The following FRYL variants were observed in gnomAD, a reference collection of about 807,000 sequenced individuals.
FRYL encodes FRY like transcription coactivator.
FRYL carries 150 observed loss-of-function variants against 351.2 expected under a neutral mutation model. That is an observed-to-expected ratio of 0.43 (90% CI 0.37 to 0.49). FRYL has a LOEUF of 0.49. Among genes scored for constraint, FRYL ranks in the 20% least tolerant of loss-of-function variants. The pLI, the probability that FRYL is intolerant of heterozygous loss-of-function variation, is 0.00. For missense variants in FRYL, 3,036 were observed against 3,619.3 expected, an observed-to-expected ratio of 0.84 and a Z score of 4.13; for synonymous variants, 1,153 against 1,257.1, an observed-to-expected ratio of 0.92 and a Z score of 1.75.
intron 20 of FRYL, among the ~76,000 whole-genome samples, chr4:48,582,045 G>A (rs1578214635): frequency 6.6e-6 from 1 of 152,072 alleles, no homozygotes; most frequent in South Asian, 2.1e-4. Context: ...TCAATGGCTC[G>A]GGTCTAAAAT....
intron 55 of FRYL, among the ~76,000 whole-genome samples, chr4:48,519,612 C>T (rs1724451578): frequency 6.6e-6 from 1 of 151,946 alleles, no homozygotes; most frequent in African/African-American, 2.4e-5. Flanking sequence ...AGGTGATTCT[C>T]CTGCCTCAGC....
chr4:48,603,889 C>T lies in FRYL; in HGVS notation c.835-501G>A, dbSNP rs1256922553. On this transcript the variant is annotated intron_variant, in intron 11 of 63. Coordinates refer to ENST00000358350, the MANE Select transcript of FRYL (RefSeq NM_015030.2). ...GCTGGGGCCTGCTGCCCAAGAAGCT[C>T]TTCCCACAGACACAGGAAGTCTTAC... 2.0e-5 allele frequency among the ~76,000 whole-genome samples: 3 copies of T among 152,192 alleles called. No individual in the cohort carries two copies. The East Asian group carries it at 5.8e-4, about 29-fold the overall frequency.
At chr4:48,779,684 C>G (rs1317363754) in intron 1 of FRYL, among the ~76,000 whole-genome samples, 1 of 151,936 alleles carries the variant, frequency 6.6e-6, no homozygotes, top group Non-Finnish European at 1.5e-5. Flanking sequence ...GGCGAGGCGG[C>G]GCGCGACCAG....
intron 40 of FRYL, among the ~76,000 whole-genome samples, 198 bp downstream of exon 40, chr4:48,548,492 T>C (rs181976006): frequency 8.3e-4 from 126 of 152,204 alleles, no homozygotes; most frequent in Non-Finnish European, 1.4e-3. Flanking sequence ...ATGGGGGTAA[T>C]AGACATGTTT....
At chr4:48,649,567 T>C (rs887255886) in intron 3 of FRYL, among the ~76,000 whole-genome samples, 6 of 152,206 alleles carry the variant, frequency 3.9e-5, no homozygotes, top group African/African-American at 7.2e-5. Flanking sequence ...CTTTGTCTTA[T>C]CAATTTTAGG....
In FRYL at chr4:48,656,400, A is replaced by G. The variant is rs555230094; in HGVS notation, c.-80-21910T>C. On this transcript the variant is annotated intron_variant, in intron 3 of 63. Coordinates refer to ENST00000358350, the MANE Select transcript of FRYL (RefSeq NM_015030.2). ...TAAATATATAATATATAATTAATAT[A>G]TAATTATATATAATGTATATATAAT... 2.6e-3 allele frequency among the ~76,000 whole-genome samples: 343 copies of G among 133,666 alleles called. 2 individuals are homozygous for G. The highest frequency in any genetic ancestry group is 9.0e-3 in the African/African-American group (330 of 36,808). 87.7% of individuals were successfully genotyped at this position (133,666 alleles called of 152,430 possible). A position where few individuals can be genotyped will look rare whatever the true frequency, so the allele number is the denominator to read the frequency against.
rs191663612 is a variant in FRYL at position 48,497,921 on chromosome 4, C to T, written c.*1501G>A. The stretch of plus-strand genomic sequence containing the variant: ...TACATTTCTGGCAGGGTCCACACCC[C>T]CCAAGAAAAGGTAAAGCTAAGCATT... On this transcript the variant is annotated 3_prime_UTR_variant, in exon 64 of 64. Coordinates refer to ENST00000358350, the MANE Select transcript of FRYL (RefSeq NM_015030.2). 1.2e-4 allele frequency: 19 copies of T among 152,502 alleles called. No individual in the cohort carries two copies. Among genetic ancestry groups the T allele is most frequent in the Admixed American group, 3.3e-4 (5 of 15,274 alleles). The allele number at this position is 152,502 out of a possible 1,614,324, so 9.4% of individuals were successfully genotyped here.
intron 1 of FRYL, among the ~76,000 whole-genome samples, chr4:48,765,087 C>T: frequency 6.6e-6 from 1 of 152,290 alleles, no homozygotes; most frequent in Non-Finnish European, 1.5e-5. Flanking sequence ...TAGTGATCCC[C>T]CCACCTCGGC....
intron 62 of FRYL, 32 bp from the exon 63 acceptor site, chr4:48,500,252 G>A (rs772060329): frequency 6.3e-5 from 87 of 1,386,098 alleles, no homozygotes; most frequent in South Asian, 5.7e-5. Flanking sequence ...GGATCTATTC[G>A]TATGTTTGGT....
intron 53 of FRYL, among the ~76,000 whole-genome samples, chr4:48,527,116 T>G (rs1436130911): frequency 6.6e-6 from 1 of 152,138 alleles, no homozygotes; most frequent in Non-Finnish European, 1.5e-5. Flanking sequence ...TAGTGGTAAG[T>G]GCAACTCTCT....
chr4:48,732,051 T>G (rs1417260051), intron 1 of FRYL, among the ~76,000 whole-genome samples: 1 of 152,104 alleles, frequency 6.6e-6, no homozygotes, highest in Non-Finnish European at 1.5e-5. Context: ...ATATCCAGAA[T>G]CTACAAAGAA....
intron 24 of FRYL, 66 bp from the exon 25 acceptor site, chr4:48,575,307 ATT>A (rs983940373): frequency 9.9e-6 from 15 of 1,509,438 alleles, no homozygotes; most frequent in Non-Finnish European, 1.0e-5. Context: ...ATAATCTGAG[ATT>A]TCAGTAGTCT....
chr4:48,656,378 A>ATATAG (rs1759102204), intron 3 of FRYL, among the ~76,000 whole-genome samples: 1 of 117,156 alleles, frequency 8.5e-6, no homozygotes, highest in Non-Finnish European at 1.8e-5. Context: ...TATATACTAA[A>ATATAG]TATATAATAT....
intron 3 of FRYL, among the ~76,000 whole-genome samples, chr4:48,680,767 T>C (rs1764484985): frequency 6.6e-6 from 1 of 152,132 alleles, no homozygotes; most frequent in South Asian, 2.1e-4. Context: ...TGAAGAAAAA[T>C]TTTATTAAAA....
chr4:48,635,824 C>T (rs1237024888), intron 3 of FRYL, among the ~76,000 whole-genome samples: 2 of 152,172 alleles, frequency 1.3e-5, no homozygotes, highest in Non-Finnish European at 2.9e-5. Context: ...CCTTGAACCC[C>T]TTCCTTGAAA....
At chr4:48,646,066 CTTATT>C (rs1756403183) in intron 3 of FRYL, 1 of 152,054 alleles carries the variant, frequency 6.6e-6, no homozygotes, top group African/African-American at 2.4e-5. Flanking sequence ...TCATGTAAAG[CTTATT>C]TTAAAGAAAA....
chr4:48,623,127 T>C lies in FRYL; in HGVS notation c.173A>G (p.Gln58Arg). 6.3e-7 allele frequency: 1 copy of C among 1,580,586 alleles called. No individual in the cohort carries two copies. Among genetic ancestry groups the C allele is most frequent in the Non-Finnish European group, 8.6e-7 (1 of 1,162,384 alleles). The change falls in exon 5 of 64, where the codon CAG becomes CGG. Residue 58 changes from glutamine to arginine, a missense_variant and splice_region_variant. Physicochemically the swap from Gln to Arg is conservative, Grantham distance 43 (BLOSUM62 1). This residue lies in a region of FRYL where 457 missense variants were observed against 566.6 expected (regional missense o/e 0.81). Coordinates refer to ENST00000358350, the MANE Select transcript of FRYL (RefSeq NM_015030.2). Reference sequence around the variant, plus strand: ...AAAATTCTCCCAAAATTGTCATACCTGATCAAACTGAAGATCTTCACCCCT... The same window carrying C: ...AAAATTCTCCCAAAATTGTCATACCCGATCAAACTGAAGATCTTCACCCCT... ...LQRGEDLQFD[Q>R]LISSMSSVAE...
intron 26 of FRYL, among the ~76,000 whole-genome samples, chr4:48,572,249 T>C (rs2149112994): frequency 6.6e-6 from 1 of 152,308 alleles, no homozygotes; most frequent in African/African-American, 2.4e-5. Context: ...GGGATTCTCA[T>C]TCAATAGACC....
chr4:48,655,039 T>A (rs1000261733), intron 3 of FRYL, among the ~76,000 whole-genome samples: 1 of 152,212 alleles, frequency 6.6e-6, no homozygotes, highest in African/African-American at 2.4e-5. Context: ...ATCAAAGTCA[T>A]AACTGAATAA....
Sources: allele counts gnomAD v4.1 joint callset (sites outside exome capture counted in the v4.1 genomes callset), GRCh38; gene constraint gnomAD v4.1.1; regional missense constraint gnomAD v4.1.1; transcripts MANE v1.5; gene names NCBI Gene and HGNC (gene_info 2026-07-23, HGNC 2026-07-21).